Variants in COL13A1 observed in about 807,000 individuals in gnomAD.
The protein encoded by COL13A1 is collagen alpha-1(XIII) chain.
Under a neutral mutation model 130.9 loss-of-function variants are expected in COL13A1, and 89 were observed. The observed-to-expected ratio is 0.68, with a 90% CI of 0.57 to 0.81. The LOEUF is 0.81. COL13A1 is among the 30% of genes least tolerant of loss of function. The pLI is 0.00. For synonymous variants in COL13A1, 402 were observed against 341.6 expected, an observed-to-expected ratio of 1.18 and a Z score of -1.95; for missense variants, 879 against 934.6, an observed-to-expected ratio of 0.94 and a Z score of 0.78.
chr10:69,842,301 TG>T (rs1238123472), intron 2 of COL13A1, among the ~76,000 whole-genome samples: 1 of 152,224 alleles, frequency 6.6e-6, no homozygotes, highest in Non-Finnish European at 1.5e-5. Context: ...GCCAGGGTTG[TG>T]GGGCCTCCCC....
intron 2 of COL13A1, among the ~76,000 whole-genome samples, chr10:69,845,535 A>G (rs962021843): frequency 1.3e-5 from 2 of 151,704 alleles, no homozygotes; most frequent in East Asian, 3.9e-4. Flanking sequence ...CCACCCCTGC[A>G]GCTACACCAA....
At position 69,947,294 on chromosome 10, in the gene COL13A1, T is replaced by C. The variant is rs761578270; in HGVS notation, c.2023-13T>C. On this transcript the variant is annotated splice_polypyrimidine_tract_variant and intron_variant, in intron 37 of 40. Coordinates refer to ENST00000645393, the MANE Select transcript of COL13A1 (RefSeq NM_001368882.1). Reference sequence around the variant, plus strand: ...CCTCATTAACATGCCTTTCTTCCTCTGATCTCTTGCAGGGTTTACATGGAC... The same window carrying C: ...CCTCATTAACATGCCTTTCTTCCTCCGATCTCTTGCAGGGTTTACATGGAC... 2.5e-6 allele frequency: 4 copies of C among 1,613,548 alleles called. No homozygotes were observed. The highest frequency in any genetic ancestry group is 3.4e-6 in the Non-Finnish European group (4 of 1,179,648).
At chr10:69,929,391 G>T (rs949865691) in intron 28 of COL13A1, among the ~76,000 whole-genome samples, 1 of 151,940 alleles carries the variant, frequency 6.6e-6, no homozygotes. Context: ...TTTCTCAGAA[G>T]GTCTGCCCCT....
At chr10:69,887,604 C>A (rs755522603) in intron 8 of COL13A1, 113 bp downstream of exon 8, 27 of 1,155,418 alleles carry the variant, frequency 2.3e-5, no homozygotes, top group South Asian at 4.2e-5. Context: ...AAACCCTGGT[C>A]ATTAAGGACT....
intron 2 of COL13A1, among the ~76,000 whole-genome samples, chr10:69,852,674 C>T (rs1026582967): frequency 6.6e-6 from 1 of 152,248 alleles, no homozygotes; most frequent in African/African-American, 2.4e-5. Flanking sequence ...CCACGGAACC[C>T]CTGGTTGGGA....
intron 32 of COL13A1, among the ~76,000 whole-genome samples, chr10:69,936,486 G>A (rs745445982): frequency 3.3e-5 from 5 of 152,122 alleles, no homozygotes; most frequent in Non-Finnish European, 5.9e-5. Context: ...TGTTACCTCC[G>A]TGTCTTTCTT....
chr10:69,918,346 A>G (rs1421996954), intron 19 of COL13A1, 29 bp downstream of exon 19: 2 of 1,611,080 alleles, frequency 1.2e-6, no homozygotes, highest in Non-Finnish European at 1.7e-6. Flanking sequence ...CCAACACATC[A>G]GGGACAGGGT....
intron 1 of COL13A1, among the ~76,000 whole-genome samples, chr10:69,804,095 C>T (rs1390264153): frequency 2.0e-5 from 3 of 152,246 alleles, no homozygotes; most frequent in East Asian, 1.9e-4. Flanking sequence ...CCAGGGAATC[C>T]GGAGAACTCC....
intron 2 of COL13A1, among the ~76,000 whole-genome samples, chr10:69,832,353 C>T (rs572875836): frequency 6.6e-6 from 1 of 152,342 alleles, no homozygotes; most frequent in East Asian, 1.9e-4. Context: ...AGCTCTCTGT[C>T]TAGCTCTCCA....
In COL13A1 at chr10:69,927,152, G is replaced by T. The variant is rs535229264; in HGVS notation, c.1422+42G>T. The T allele has an allele frequency of 5.0e-5, 81 of 1,613,382 alleles. No homozygotes were observed. In the East Asian group the frequency reaches 1.6e-3, roughly 32 times the overall value. ...CTGGCTTTCCTTGGGCACTGGACGGGGGGGCTGGGGATGGCAGCCTGGAAG... is the reference window on the plus strand; with the variant it reads ...CTGGCTTTCCTTGGGCACTGGACGGTGGGGCTGGGGATGGCAGCCTGGAAG... On this transcript the variant is annotated intron_variant, in intron 27 of 40. Transcript: ENST00000645393.
chr10:69,957,574 T>C (rs1027836597), intron 40 of COL13A1, among the ~76,000 whole-genome samples: 1 of 152,228 alleles, frequency 6.6e-6, no homozygotes, highest in Non-Finnish European at 1.5e-5. Context: ...CTCCCAGAGT[T>C]CCTACCAACA....
In COL13A1 at chr10:69,808,272, C is replaced by T. The variant is rs1842087767; in HGVS notation, c.294+5555C>T. Among the ~76,000 whole-genome samples, 3 of 152,292 alleles carry T rather than the reference C, an allele frequency of 2.0e-5. No individual in the cohort carries two copies. In the South Asian group the frequency reaches 6.2e-4, roughly 32 times the overall value. ...GGTTTGATAACTCCCAGAAAGATGTCTTTTCCCCTTCTTCTTAATCACTCT... is the reference window on the plus strand; with the variant it reads ...GGTTTGATAACTCCCAGAAAGATGTTTTTTCCCCTTCTTCTTAATCACTCT... On this transcript the variant is annotated intron_variant, in intron 1 of 40. Coordinates refer to ENST00000645393, the MANE Select transcript of COL13A1 (RefSeq NM_001368882.1).
intron 2 of COL13A1, among the ~76,000 whole-genome samples, chr10:69,863,015 T>A (rs954245414): frequency 6.6e-6 from 1 of 152,124 alleles, no homozygotes; most frequent in African/African-American, 2.4e-5. Flanking sequence ...AAACCACAGG[T>A]CGGTGAGGCC....
intron 1 of COL13A1, among the ~76,000 whole-genome samples, chr10:69,816,800 T>C (rs1167828892): frequency 1.3e-5 from 2 of 151,948 alleles, no homozygotes; most frequent in Admixed American, 6.5e-5. Flanking sequence ...AACCCGGAGG[T>C]CACTGGCAAC....
intron 35 of COL13A1, among the ~76,000 whole-genome samples, chr10:69,942,819 T>A (rs1367170002): frequency 6.6e-6 from 1 of 152,226 alleles, no homozygotes; most frequent in Admixed American, 6.5e-5. Flanking sequence ...CATGACTCCG[T>A]GGCGCTGTGC....
intron 3 of COL13A1, among the ~76,000 whole-genome samples, chr10:69,868,966 GGAAGCCACAA>G (rs2058795250): frequency 6.6e-6 from 1 of 152,186 alleles, no homozygotes; most frequent in African/African-American, 2.4e-5. Flanking sequence ...CTCATTCTGA[GGAAGCCACAA>G]GAGCCCTCAA....
At chr10:69,951,112 G>C (rs985105630) in intron 38 of COL13A1, among the ~76,000 whole-genome samples, 3 of 151,946 alleles carry the variant, frequency 2.0e-5, no homozygotes, top group Non-Finnish European at 2.9e-5. Context: ...GCCTCCCAAA[G>C]TGCTGGGATT....
At chr10:69,823,215 C>T (rs1018763829) in intron 2 of COL13A1, among the ~76,000 whole-genome samples, 20 of 152,216 alleles carry the variant, frequency 1.3e-4, no homozygotes, top group Non-Finnish European at 2.4e-4. Flanking sequence ...CATTGTCCAC[C>T]ATGAATGCAA....
intron 1 of COL13A1, among the ~76,000 whole-genome samples, chr10:69,813,043 C>A (rs2683549): frequency 0.99 from 150,422 of 152,354 alleles, 74,280 homozygotes; most frequent in East Asian, 1. Context: ...CCTAGAGTAT[C>A]AACTTCATGG....
Sources: allele counts gnomAD v4.1 joint callset (sites outside exome capture counted in the v4.1 genomes callset), GRCh38; gene constraint gnomAD v4.1.1; transcripts MANE v1.5; gene names NCBI Gene and HGNC (gene_info 2026-07-23, HGNC 2026-07-21).